The following CAMKMT variants were observed in gnomAD, a reference collection of about 807,000 sequenced individuals.
CAMKMT encodes CaM KMT.
Under a neutral mutation model 48.0 loss-of-function variants are expected in CAMKMT, and 53 were observed. That is an observed-to-expected ratio of 1.10 (90% CI 0.89 to 1.39). The LOEUF is 1.39. CAMKMT is among the 40% of genes most tolerant of loss of function. The pLI, the probability that CAMKMT is intolerant of heterozygous loss-of-function variation, is 0.00. For synonymous variants in CAMKMT, 165 were observed against 152.3 expected (o/e 1.08, Z -0.61); for missense variants, 428 against 402.7 (o/e 1.06, Z -0.54).
At chr2:44,716,675 T>G (rs1031927542) in intron 7 of CAMKMT, among the ~76,000 whole-genome samples, 3 of 152,306 alleles carry the variant, frequency 2.0e-5, no homozygotes. Flanking sequence ...GGACAGCCTT[T>G]CCTTCACAGT....
intron 3 of CAMKMT, among the ~76,000 whole-genome samples, chr2:44,656,347 ATTTT>A (rs1221052941): frequency 5.9e-5 from 9 of 152,040 alleles, no homozygotes; most frequent in Admixed American, 2.0e-4. Context: ...CTCAAAAGGA[ATTTT>A]TTTCTTTTTT....
intron 3 of CAMKMT, among the ~76,000 whole-genome samples, chr2:44,524,532 TC>T (rs1349788812): frequency 6.6e-6 from 1 of 152,154 alleles, no homozygotes; most frequent in Non-Finnish European, 1.5e-5. Flanking sequence ...TTCTTTTTTT[TC>T]TTCCTCCTCT....
At chr2:44,446,426 A>C (rs1354693915) in intron 3 of CAMKMT, among the ~76,000 whole-genome samples, 1 of 152,034 alleles carries the variant, frequency 6.6e-6, no homozygotes, top group Non-Finnish European at 1.5e-5. Context: ...AGTTCACTGC[A>C]ACCTCTGCCT....
intron 3 of CAMKMT, among the ~76,000 whole-genome samples, chr2:44,553,487 A>C (rs891532120): frequency 1.3e-5 from 2 of 151,824 alleles, no homozygotes; most frequent in African/African-American, 4.8e-5. Context: ...AAGACTCCTG[A>C]GTAGCTGCGA....
chr2:44,499,687 G>A (rs1669917434), intron 3 of CAMKMT, among the ~76,000 whole-genome samples: 1 of 152,166 alleles, frequency 6.6e-6, no homozygotes, highest in Admixed American at 6.5e-5. Context: ...ATTACTTGGG[G>A]TATCCCAGAT....
intron 1 of CAMKMT, among the ~76,000 whole-genome samples, chr2:44,365,971 G>T (rs1211021144): frequency 6.6e-6 from 1 of 152,172 alleles, no homozygotes; most frequent in Non-Finnish European, 1.5e-5. Flanking sequence ...TTGTAATAAC[G>T]ATACATATTC....
intron 3 of CAMKMT, among the ~76,000 whole-genome samples, chr2:44,461,929 C>A (rs1272550699): frequency 1.3e-5 from 2 of 152,108 alleles, no homozygotes; most frequent in East Asian, 3.9e-4. Flanking sequence ...TCACATCGAG[C>A]TCATACTGTG....
intron 3 of CAMKMT, among the ~76,000 whole-genome samples, chr2:44,525,793 G>A (rs904298180): frequency 9.9e-5 from 15 of 152,032 alleles, no homozygotes; most frequent in Admixed American, 3.3e-4. Context: ...TTCAAATCTG[G>A]ATCTATCAGA....
intron 3 of CAMKMT, among the ~76,000 whole-genome samples, chr2:44,531,234 A>G (rs1039954558): frequency 3.3e-5 from 5 of 152,096 alleles, no homozygotes; most frequent in African/African-American, 1.2e-4. Context: ...CCAATTCTTA[A>G]GAGGTTGCCT....
chr2:44,411,695 A>C (rs79353324), intron 3 of CAMKMT, among the ~76,000 whole-genome samples: 3,537 of 152,198 alleles, frequency 0.023, 153 homozygotes, highest in African/African-American at 0.081. Flanking sequence ...TCTCTTATGT[A>C]TTGTATCCTT....
intron 3 of CAMKMT, among the ~76,000 whole-genome samples, chr2:44,499,193 G>C (rs1407250109): frequency 6.6e-6 from 1 of 152,154 alleles, no homozygotes; most frequent in African/African-American, 2.4e-5. Flanking sequence ...GGAGAAACTT[G>C]TAAGTATTAT....
At chr2:44,527,788 C>CG (rs1262860743) in intron 3 of CAMKMT, among the ~76,000 whole-genome samples, 1 of 125,926 alleles carries the variant, frequency 7.9e-6, no homozygotes, top group African/African-American at 2.9e-5. Context: ...GTGTACAGCC[C>CG]CCCCCCCCAT....
intron 3 of CAMKMT, among the ~76,000 whole-genome samples, chr2:44,444,922 AC>A (rs754228920): frequency 6.6e-6 from 1 of 151,994 alleles, no homozygotes; most frequent in African/African-American, 2.4e-5. Flanking sequence ...AGTCCATGCA[AC>A]CCCCCAAGAC....
At chr2:44,534,904 T>A (rs570727538) in intron 3 of CAMKMT, among the ~76,000 whole-genome samples, 1 of 152,042 alleles carries the variant, frequency 6.6e-6, no homozygotes, top group South Asian at 2.1e-4. Context: ...ATATAGAGAT[T>A]ATCAAAGAAA....
At chr2:44,627,929 A>G (rs980304567) in intron 3 of CAMKMT, among the ~76,000 whole-genome samples, 1 of 151,492 alleles carries the variant, frequency 6.6e-6, no homozygotes, top group African/African-American at 2.4e-5. Context: ...CTAACTCCTG[A>G]CCTCAGGTGA....
chr2:44,491,955 A>C (rs537129680), intron 3 of CAMKMT, among the ~76,000 whole-genome samples: 20 of 152,276 alleles, frequency 1.3e-4, no homozygotes, highest in Admixed American at 1.3e-3. Context: ...AATATTACTG[A>C]TTTACCTTAA....
At chr2:44,503,334 A>G (rs1433569134) in intron 3 of CAMKMT, among the ~76,000 whole-genome samples, 3 of 152,172 alleles carry the variant, frequency 2.0e-5, no homozygotes, top group Non-Finnish European at 4.4e-5. Context: ...AAGAGTAAAG[A>G]GGATAGAATA....
At chr2:44,673,296 A>C (rs1278114332) in intron 3 of CAMKMT, among the ~76,000 whole-genome samples, 1 of 151,814 alleles carries the variant, frequency 6.6e-6, no homozygotes, top group Non-Finnish European at 1.5e-5. Context: ...GTATGGTGGC[A>C]TGTACCTGTG....
At chr2:44,727,497 A>G (rs1450054568) in intron 7 of CAMKMT, among the ~76,000 whole-genome samples, 2 of 152,246 alleles carry the variant, frequency 1.3e-5, no homozygotes. Flanking sequence ...GTCATTTATC[A>G]ATTCTAGGAG....
Sources: allele counts gnomAD v4.1 joint callset (sites outside exome capture counted in the v4.1 genomes callset), GRCh38; gene constraint gnomAD v4.1.1; transcripts MANE v1.5; gene names NCBI Gene and HGNC (gene_info 2026-07-23, HGNC 2026-07-21).